Variants in LRRK2 observed in about 807,000 individuals in gnomAD.
LRRK2 encodes leucine-rich repeat serine/threonine-protein kinase 2.
In LRRK2, 203 loss-of-function variants were observed where a neutral mutation model predicts 302.6. The observed-to-expected ratio is 0.67, with a 90% CI of 0.60 to 0.75. The LOEUF is 0.75. LRRK2 is among the 30% of genes least tolerant of loss of function. The pLI, the probability that LRRK2 is intolerant of heterozygous loss-of-function variation, is 0.00. For synonymous variants in LRRK2, 1,066 were observed against 1,031.9 expected, an observed-to-expected ratio of 1.03 and a Z score of -0.63; for missense variants, 2,830 against 2,951.0, an observed-to-expected ratio of 0.96 and a Z score of 0.95.
intron 46 of LRRK2, among the ~76,000 whole-genome samples, chr12:40,356,741 T>C (rs956984783): frequency 2.6e-5 from 4 of 152,224 alleles, no homozygotes; most frequent in African/African-American, 9.6e-5. Flanking sequence ...CCTTAGGTTA[T>C]TTCTTTTGTA....
At chr12:40,294,000 G>T (rs1944271864) in intron 21 of LRRK2, among the ~76,000 whole-genome samples, 1 of 151,330 alleles carries the variant, frequency 6.6e-6, no homozygotes, top group Non-Finnish European at 1.5e-5. Flanking sequence ...TCTACCTAAT[G>T]GTGTGGGTTG....
At position 40,322,521 on chromosome 12, in the gene LRRK2, A is replaced by G. The variant is rs960152569; in HGVS notation, c.5509+11A>G. ...AGAAAGCAGAGGAAGGTATGTTTTG[A>G]TACAACTTACAAATGCTTTTAAGTG... On this transcript the variant is annotated intron_variant, in intron 37 of 50. Coordinates refer to ENST00000298910, the MANE Select transcript of LRRK2 (RefSeq NM_198578.4). 2 of 1,610,436 alleles carry G rather than the reference A, an allele frequency of 1.2e-6. No homozygotes were observed. The highest frequency in any genetic ancestry group is 1.7e-6 in the Non-Finnish European group (2 of 1,177,264).
Position 40,287,594 on chromosome 12 carries a change from A to T in LRRK2, c.2689+55A>T, listed in dbSNP as rs572086184. The T allele has an allele frequency of 1.5e-4, 232 of 1,553,468 alleles. 1 individual carries two copies. The highest frequency in any genetic ancestry group is 5.2e-4 in the Admixed American group (30 of 57,884). ...CTTTATATTTACACACTGACATTGA[A>T]CAATAGGACCCAAGACAAAAACCTG... On this transcript the variant is annotated intron_variant, in intron 20 of 50. Coordinates refer to ENST00000298910, the MANE Select transcript of LRRK2 (RefSeq NM_198578.4).
intron 34 of LRRK2, 45 bp from the exon 35 acceptor site, chr12:40,320,989 G>A: frequency 1.9e-6 from 3 of 1,605,376 alleles, no homozygotes. Context: ...AACAAGGTTG[G>A]GTGTTTTGTG....
At chr12:40,352,268 C>G (rs1054511095) in intron 44 of LRRK2, among the ~76,000 whole-genome samples, 9 of 152,106 alleles carry the variant, frequency 5.9e-5, no homozygotes, top group African/African-American at 1.9e-4. Context: ...CATCTCTGAA[C>G]TATAGTAGCC....
intron 13 of LRRK2, among the ~76,000 whole-genome samples, chr12:40,261,882 T>A (rs773801082): frequency 7.2e-5 from 11 of 152,162 alleles, no homozygotes; most frequent in Admixed American, 2.0e-4. Flanking sequence ...TTAAGTTTCT[T>A]TCAATCTATT....
intron 20 of LRRK2, among the ~76,000 whole-genome samples, chr12:40,290,797 C>T (rs997513524): frequency 4.6e-5 from 7 of 151,876 alleles, no homozygotes; most frequent in South Asian, 2.1e-4. Context: ...TACTTTCTCA[C>T]GGACTTTTGT....
chr12:40,250,026 T>C, intron 8 of LRRK2, 81 bp downstream of exon 8: 1 of 1,545,018 alleles, frequency 6.5e-7, no homozygotes, highest in Admixed American at 1.8e-5. Context: ...GAATCATATG[T>C]ACAGATGGAA....
intron 38 of LRRK2, among the ~76,000 whole-genome samples, chr12:40,325,283 CAAAACAAAACAA>C (rs1369431769): frequency 6.6e-6 from 1 of 152,040 alleles, no homozygotes; most frequent in Non-Finnish European, 1.5e-5. Flanking sequence ...CGTCTCAAAA[CAAAACAAAACAA>C]AAAACAAAAA....
chr12:40,235,461 GC>G (rs1190854042), intron 3 of LRRK2, among the ~76,000 whole-genome samples, 164 bp from the exon 4 acceptor site: 4 of 152,140 alleles, frequency 2.6e-5, no homozygotes, highest in African/African-American at 9.7e-5. Flanking sequence ...GGGTGACACA[GC>G]AAGACCCTGT....
At chr12:40,243,459 C>G in intron 6 of LRRK2, 91 bp from the exon 7 acceptor site, 2 of 1,399,790 alleles carry the variant, frequency 1.4e-6, no homozygotes, top group South Asian at 2.3e-5. Context: ...ATGCTGCCAT[C>G]TATTTACAGT....
chr12:40,251,084 T>G (rs1281741076), intron 8 of LRRK2, 148 bp from the exon 9 acceptor site: 2 of 524,196 alleles, frequency 3.8e-6, no homozygotes, highest in Non-Finnish European at 6.5e-6. Context: ...TATAATATAT[T>G]AAAAATTATC....
At chr12:40,316,083 G>A (rs1945208878) in intron 33 of LRRK2, among the ~76,000 whole-genome samples, 1 of 152,006 alleles carries the variant, frequency 6.6e-6, no homozygotes, top group Non-Finnish European at 1.5e-5. Flanking sequence ...TGGAGAATGT[G>A]AAAAATTACC....
At chr12:40,296,614 A>T (rs1944394669) in intron 23 of LRRK2, among the ~76,000 whole-genome samples, 1 of 152,084 alleles carries the variant, frequency 6.6e-6, no homozygotes, top group Non-Finnish European at 1.5e-5. Context: ...CCTGGGCAAC[A>T]GAGTGAGACC....
chr12:40,286,526 C>G (rs1943932906), intron 19 of LRRK2: 1 of 151,996 alleles, frequency 6.6e-6, no homozygotes, highest in African/African-American at 2.4e-5. Context: ...AGCTGATTAT[C>G]TACACTTCAC....
chr12:40,316,600 A>G (rs1945230337), intron 33 of LRRK2, among the ~76,000 whole-genome samples: 1 of 152,024 alleles, frequency 6.6e-6, no homozygotes, highest in African/African-American at 2.4e-5. Context: ...GCCTTTGTTT[A>G]CTTACTTTTT....
At chr12:40,232,220 A>G in intron 2 of LRRK2, 54 bp from the exon 3 acceptor site, 2 of 1,221,310 alleles carry the variant, frequency 1.6e-6, no homozygotes, top group South Asian at 2.4e-5. Flanking sequence ...TTGACTGAGT[A>G]TGCTCTATTA....
At chr12:40,249,730 C>A (rs1942168881) in intron 7 of LRRK2, 96 bp from the exon 8 acceptor site, 7 of 1,355,226 alleles carry the variant, frequency 5.2e-6, no homozygotes, top group Admixed American at 1.7e-5. Context: ...GAATATTCAT[C>A]ACCATTCAAA....
At position 40,259,513 on chromosome 12, in the gene LRRK2, C is replaced by G. The variant is rs1196085517; in HGVS notation, c.1452C>G (p.Val484=). The change falls in exon 13 of 51, where the codon GTC becomes GTG. Residue 484 remains valine, a synonymous_variant. Coordinates refer to ENST00000298910, the MANE Select transcript of LRRK2 (RefSeq NM_198578.4). ...CCCTGGATATAATGGCAGCAGTGGTCCCCAAAATACTAACAGTTATGAAAC... is the reference window on the plus strand; with the variant it reads ...CCCTGGATATAATGGCAGCAGTGGTGCCCAAAATACTAACAGTTATGAAAC... ...NTSLDIMAAV[V]PKILTVMKRH... 2 of 1,613,138 alleles carry G rather than the reference C, an allele frequency of 1.2e-6. No individual in the cohort carries two copies. Among genetic ancestry groups the G allele is most frequent in the Non-Finnish European group, 1.7e-6 (2 of 1,179,472 alleles).
Sources: gnomAD v4.1 joint callset for allele counts (sites outside exome capture counted in the v4.1 genomes callset) on GRCh38, gnomAD v4.1.1 for gene constraint, MANE v1.5 for transcripts, NCBI Gene and HGNC (gene_info 2026-07-23, HGNC 2026-07-21) for gene names.